Variants in ZFAND1 observed in about 807,000 individuals in gnomAD.
ZFAND1 encodes the protein zinc finger AN1-type containing 1.
In ZFAND1, 40 loss-of-function variants were observed where a neutral mutation model predicts 38.5. The ratio of observed to expected loss-of-function variants is 1.04; its 90% CI spans 0.81 to 1.35. The LOEUF (loss-of-function observed/expected upper bound fraction) is 1.35, where lower values mean the gene tolerates loss of function less well. Among genes scored for constraint, ZFAND1 ranks in the 40% most tolerant of loss-of-function variants. The pLI is 0.00. For synonymous variants in ZFAND1, 117 were observed against 103.6 expected, an observed-to-expected ratio of 1.13 and a Z score of -0.78; for missense variants, 346 against 316.3, an observed-to-expected ratio of 1.09 and a Z score of -0.71.
At chr8:81,711,607 TA>T in intron 6 of ZFAND1, among the ~76,000 whole-genome samples, 1 of 152,152 alleles carries the variant, frequency 6.6e-6, no homozygotes, top group East Asian at 1.9e-4. Flanking sequence ...AAAATAAGGA[TA>T]AACTTCTAGC....
intron 1 of ZFAND1, chr8:81,720,928 C>T (rs1808452815): frequency 4.2e-6 from 2 of 479,730 alleles, no homozygotes; most frequent in Non-Finnish European, 3.7e-6. Flanking sequence ...AAAAAAAACC[C>T]GCACCAACCG....
At position 81,715,048 on chromosome 8, in the gene ZFAND1, AGT is replaced by A. The variant is rs1424072054; in HGVS notation, c.203_204del (p.Asp68ValfsTer3). 3 of 1,614,116 alleles carry A rather than the reference AGT, an allele frequency of 1.9e-6. No homozygotes were observed. Among genetic ancestry groups the A allele is most frequent in the Non-Finnish European group, 2.5e-6 (3 of 1,179,972 alleles). On this transcript the variant is annotated frameshift_variant, in exon 4 of 8. Coordinates refer to ENST00000220669, the MANE Select transcript of ZFAND1 (RefSeq NM_024699.3). LOFTEE classifies it high-confidence loss of function. ...ACTGCCACAAGTTCTCTCTCAGCAC[AGT>A]CTTTGAAAGAGCATGGGTAAGATGT... is the stretch of plus-strand genomic sequence containing the variant. ...QHTSYPCSFKDCAERELVAVI... is the reference protein window; with the variant it reads ...QHTSYPCSFKXCAERELVAVI...
chr8:81,714,398 T>C (rs948201613), intron 5 of ZFAND1: 10 of 245,274 alleles, frequency 4.1e-5, no homozygotes, highest in Non-Finnish European at 6.3e-5. Flanking sequence ...GCTAACATAC[T>C]GGCAGGCAGA....
chr8:81,709,771 G>A (rs1419607702), intron 6 of ZFAND1, among the ~76,000 whole-genome samples: 1 of 152,144 alleles, frequency 6.6e-6, no homozygotes, highest in Non-Finnish European at 1.5e-5. Context: ...TGTTAAGTGT[G>A]TGAAGAAGAT....
At chr8:81,708,105 C>T (rs867507259) in intron 6 of ZFAND1, among the ~76,000 whole-genome samples, 4 of 151,896 alleles carry the variant, frequency 2.6e-5, no homozygotes, top group Non-Finnish European at 2.9e-5. Flanking sequence ...AAAAATTAGC[C>T]GGGCCATGGT....
At position 81,702,796 on chromosome 8, in the gene ZFAND1, C is replaced by T. The variant is rs758742596; in HGVS notation, c.706G>A (p.Ala236Thr). 14 of 1,609,234 alleles carry T rather than the reference C, an allele frequency of 8.7e-6. No individual in the cohort carries two copies. Among genetic ancestry groups the T allele is most frequent in the South Asian group, 7.8e-5 (7 of 89,992 alleles). ...TTATATAAAGGACAATCCTCCTTAG[C>T]AATCCAGGTTTCCAAAGTATGATCC... ...PLDHTLETWI[A>T]KEDCPLYNGG... The change falls in exon 8 of 8, where the codon GCT becomes ACT. Residue 236 changes from alanine to threonine, a missense_variant. Ala to Thr is a moderately conservative substitution (Grantham distance 58). Transcript: ENST00000220669.
intron 3 of ZFAND1, among the ~76,000 whole-genome samples, chr8:81,715,790 C>T (rs556003340): frequency 6.6e-6 from 1 of 152,158 alleles, no homozygotes; most frequent in Admixed American, 6.5e-5. Context: ...AATAGTTACA[C>T]CTTGTTGGAA....
chr8:81,709,546 T>G (rs2046786), intron 6 of ZFAND1, among the ~76,000 whole-genome samples: 19,133 of 152,102 alleles, frequency 0.13, 2,057 homozygotes, highest in East Asian at 0.57. Context: ...ACATTTTCAT[T>G]TATGTAAAAT....
In ZFAND1 at chr8:81,718,259, A is replaced by G. The variant is rs192589041; in HGVS notation, c.56-35T>C. On this transcript the variant is annotated intron_variant, in intron 1 of 7. Transcript: ENST00000220669. ...AGAGAAAATGTATATACTGGTCAGT[A>G]TCTGATTTTGATTTAGTTTTCTTAA... The G allele has an allele frequency of 1.3e-4, 194 of 1,463,766 alleles. No homozygotes were observed. The African/African-American group carries it at 2.6e-3, about 20-fold the overall frequency. 90.7% of individuals were successfully genotyped at this position (1,463,766 alleles called of 1,614,324 possible).
rs200647559 is a variant in ZFAND1, at chr8:81,714,048, T to G, written c.359-9A>C. On this transcript the variant is annotated splice_polypyrimidine_tract_variant and intron_variant, in intron 5 of 7. Transcript: ENST00000220669. The stretch of plus-strand genomic sequence containing the variant: ...TTCTCCTGTCTTGGAATCTAAGAAG[T>G]GTAAGCATGTAATCACATAAAACTT... 1 of 1,591,444 alleles carries G rather than the reference T, an allele frequency of 6.3e-7. No individual in the cohort carries two copies. Among genetic ancestry groups the G allele is most frequent in the South Asian group, 1.2e-5 (1 of 86,766 alleles).
chr8:81,709,277 T>C (rs78426463), intron 6 of ZFAND1, among the ~76,000 whole-genome samples: 1 of 152,270 alleles, frequency 6.6e-6, no homozygotes, highest in African/African-American at 2.4e-5. Flanking sequence ...AAACCTGCTT[T>C]AGTTTTATTT....
intron 3 of ZFAND1, among the ~76,000 whole-genome samples, chr8:81,716,947 CAAACAAAACA>C (rs887843972): frequency 6.6e-6 from 1 of 152,042 alleles, no homozygotes; most frequent in African/African-American, 2.4e-5. Flanking sequence ...AACTCCATCT[CAAACAAAACA>C]AAACAAAACA....
In ZFAND1 at chr8:81,703,036, C is replaced by T. The variant is rs1376378259; in HGVS notation, c.569G>A (p.Gly190Glu). The T allele has an allele frequency of 3.8e-6, 6 of 1,581,522 alleles. No homozygotes were observed. The South Asian group carries it at 5.8e-5, about 15-fold the overall frequency. Residue 190 changes from glycine (G) to glutamate (E), a missense_variant, in exon 7 of 8, where the codon GGA (glycine) becomes GAA (glutamate). Coordinates refer to ENST00000220669, the MANE Select transcript of ZFAND1 (RefSeq NM_024699.3). ...PMFFCHRWSI[G>E]KAIDFAASLA... ...AGAAGCGGCAAAGTCTATGGCCTTT[C>T]CAATGCTCCATCGGTGGCAAAAGAA...
intron 6 of ZFAND1, among the ~76,000 whole-genome samples, chr8:81,713,112 C>T (rs1250267345): frequency 1.7e-5 from 2 of 118,144 alleles, no homozygotes; most frequent in African/African-American, 3.3e-5. Flanking sequence ...TTTGTTTGTT[C>T]GTTTGTTTGT....
In ZFAND1 at chr8:81,713,925, A is replaced by T; in HGVS notation, c.473T>A (p.Leu158Ter). 1 of 1,613,054 alleles carries T rather than the reference A, an allele frequency of 6.2e-7. No homozygotes were observed. Among genetic ancestry groups the T allele is most frequent in the Non-Finnish European group, 8.5e-7 (1 of 1,179,724 alleles). The change falls in exon 6 of 8, where the codon TTA becomes TAA. Residue 158 changes from leucine (L) to a stop codon, truncating the protein, a stop_gained. Transcript: ENST00000220669. LOFTEE classifies it high-confidence loss of function. ...LKMHADGDKSLPQTERIYFQV... is the reference protein window; with the variant it reads ...LKMHADGDKS ...AAAATCTCTAAGACCAACCTGTGGT[A>T]ATGACTTATCGCCATCAGCATGCAT...
intron 6 of ZFAND1, among the ~76,000 whole-genome samples, chr8:81,712,408 C>T (rs1585925485): frequency 6.6e-6 from 1 of 151,920 alleles, no homozygotes; most frequent in East Asian, 1.9e-4. Flanking sequence ...TGATAATGAA[C>T]ACAAGAGAAG....
At chr8:81,720,303 G>T (rs1277983750) in intron 1 of ZFAND1, among the ~76,000 whole-genome samples, 1 of 152,136 alleles carries the variant, frequency 6.6e-6, no homozygotes. Context: ...ATATCCCAAG[G>T]TCTCTCAGTG....
chr8:81,714,136 A>T, intron 5 of ZFAND1, 97 bp from the exon 6 acceptor site: 1 of 1,173,388 alleles, frequency 8.5e-7, no homozygotes, highest in Non-Finnish European at 1.2e-6. Flanking sequence ...AACATATATA[A>T]ATTACACACA....
chr8:81,718,123 A>C (rs1808367820), intron 2 of ZFAND1, 59 bp downstream of exon 2: 1 of 1,302,168 alleles, frequency 7.7e-7, no homozygotes, highest in Non-Finnish European at 1.1e-6. Context: ...TTTCAGAAAT[A>C]ACCTCATATT....
Sources: allele counts gnomAD v4.1 joint callset (sites outside exome capture counted in the v4.1 genomes callset), GRCh38; gene constraint gnomAD v4.1.1; transcripts MANE v1.5; gene names NCBI Gene and HGNC (gene_info 2026-07-23, HGNC 2026-07-21).